SIK2: variants seen among roughly 807,000 people sequenced by gnomAD.
SIK2 encodes salt inducible kinase 2, also known as serine/threonine-protein kinase SIK2.
In SIK2, 29 loss-of-function variants were observed where a neutral mutation model predicts 103.2. The observed-to-expected ratio is 0.28, with a 90% CI of 0.21 to 0.38. The LOEUF (loss-of-function observed/expected upper bound fraction) is 0.38. Among genes scored for constraint, SIK2 ranks in the 10% least tolerant of loss-of-function variants. The pLI, the probability that SIK2 is intolerant of heterozygous loss-of-function variation, is 1.00. For synonymous variants in SIK2, 412 were observed against 446.1 expected (o/e 0.92, Z 0.96); for missense variants, 879 against 1,171.0 (o/e 0.75, Z 3.64).
chr11:111,633,788 T>G (rs1942069427), intron 3 of SIK2, among the ~76,000 whole-genome samples: 2 of 152,224 alleles, frequency 1.3e-5, no homozygotes, highest in South Asian at 4.1e-4. Context: ...TGGCATTTGG[T>G]GCTCATCTCT....
At chr11:111,678,897 T>C (rs1181042333) in intron 3 of SIK2, among the ~76,000 whole-genome samples, 1 of 152,162 alleles carries the variant, frequency 6.6e-6, no homozygotes, top group Non-Finnish European at 1.5e-5. Flanking sequence ...GGTATGACTC[T>C]CCCAGCAAAA....
Position 111,652,478 on chromosome 11 carries a change from T to C in SIK2, c.316+32076T>C, listed in dbSNP as rs138629059. 5.1e-4 allele frequency among the ~76,000 whole-genome samples: 78 copies of C among 152,296 alleles called. No homozygotes were observed. The East Asian group carries it at 0.015, about 29-fold the overall frequency. On this transcript the variant is annotated intron_variant, in intron 3 of 14. Transcript: ENST00000304987. ...TTCATCTTGGGGCTTCCTTTTGATA[T>C]ACCACTCCAATTTTGAGCAAGTTAT...
intron 3 of SIK2, among the ~76,000 whole-genome samples, chr11:111,664,313 G>A (rs150630017): frequency 2.0e-4 from 31 of 152,256 alleles, no homozygotes; most frequent in African/African-American, 6.5e-4. Flanking sequence ...TGGAGTGTGG[G>A]AGAGCATGAA....
chr11:111,719,742 G>A, intron 9 of SIK2, 33 bp from the exon 10 acceptor site: 1 of 1,593,124 alleles, frequency 6.3e-7, no homozygotes, highest in Non-Finnish European at 8.6e-7. Context: ...CAGCAGTGCA[G>A]AAACTGAGTT....
At chr11:111,653,089 C>T (rs766158979) in intron 3 of SIK2, among the ~76,000 whole-genome samples, 6 of 152,204 alleles carry the variant, frequency 3.9e-5, no homozygotes, top group East Asian at 1.9e-4. Flanking sequence ...TTCTTACGGA[C>T]GCTAAAGTGT....
intron 3 of SIK2, among the ~76,000 whole-genome samples, chr11:111,642,329 C>T (rs539411226): frequency 6.6e-6 from 1 of 152,188 alleles, no homozygotes; most frequent in South Asian, 2.1e-4. Context: ...CCACACCTTC[C>T]GTCCCACTTG....
chr11:111,701,407 T>G lies in SIK2; in HGVS notation c.604-45T>G. 5 of 1,595,302 alleles carry G rather than the reference T, an allele frequency of 3.1e-6. No homozygotes were observed. Among genetic ancestry groups the G allele is most frequent in the Non-Finnish European group, 4.3e-6 (5 of 1,167,122 alleles). Reference sequence around the variant, plus strand: ...GGATGTTCAGGAAAACAAAGAGTGTTTGACGTTCTTGGTAGAAAAGTCTCT... The same window carrying G: ...GGATGTTCAGGAAAACAAAGAGTGTGTGACGTTCTTGGTAGAAAAGTCTCT... On this transcript the variant is annotated intron_variant, in intron 5 of 14. Coordinates refer to ENST00000304987, the MANE Select transcript of SIK2 (RefSeq NM_015191.3). This position sits in a 1 kb window ranked among gnomAD's most constrained non-coding sequence, Gnocchi z 4.2.
Position 111,701,905 on chromosome 11 carries a change from G to T in SIK2, c.727+330G>T, listed in dbSNP as rs982916898. On this transcript the variant is annotated intron_variant, in intron 6 of 14. Transcript: ENST00000304987. This position sits in a 1 kb window ranked among gnomAD's most constrained non-coding sequence, Gnocchi z 4.2. ...CAACCATTTTACTCCAATATGAAAT[G>T]AACTTTATAAAATTAAAATTTTTTT... 6.6e-6 allele frequency among the ~76,000 whole-genome samples: 1 copy of T among 152,042 alleles called. No individual in the cohort carries two copies.
rs1391799531 is a variant in SIK2 at position 111,636,080 on chromosome 11, C to T, written c.316+15678C>T. On this transcript the variant is annotated intron_variant, in intron 3 of 14. Transcript: ENST00000304987. ...TAAATTAATTCAGAAAAAGCTAATT[C>T]TTTGTTTGTGAAAGGGGATAACCAG... 2.0e-5 allele frequency among the ~76,000 whole-genome samples: 3 copies of T among 152,246 alleles called. No individual in the cohort carries two copies. In the South Asian group the frequency reaches 6.2e-4, roughly 32 times the overall value.
At chr11:111,711,552 G>GT (rs1202876338) in intron 8 of SIK2, among the ~76,000 whole-genome samples, 1 of 152,160 alleles carries the variant, frequency 6.6e-6, no homozygotes, top group East Asian at 1.9e-4. Flanking sequence ...ATAGCTTGCA[G>GT]TAAGCGTAGC....
At chr11:111,692,758 G>A (rs1942978330) in intron 4 of SIK2, among the ~76,000 whole-genome samples, 1 of 151,768 alleles carries the variant, frequency 6.6e-6, no homozygotes, top group Non-Finnish European at 1.5e-5. Context: ...AGGGCTCTGT[G>A]GGAAGAAATT....
chr11:111,684,082 C>CA (rs1491541499), intron 3 of SIK2, among the ~76,000 whole-genome samples: 1 of 149,212 alleles, frequency 6.7e-6, no homozygotes, highest in Non-Finnish European at 1.5e-5. Flanking sequence ...CCATTTTTCT[C>CA]ACACTGTGTG....
At chr11:111,631,994 T>A (rs928877726) in intron 3 of SIK2, among the ~76,000 whole-genome samples, 1 of 152,162 alleles carries the variant, frequency 6.6e-6, no homozygotes, top group African/African-American at 2.4e-5. Flanking sequence ...GTTGAAGTAG[T>A]TTCAAAGGAG....
At chr11:111,664,234 G>C (rs1427377184) in intron 3 of SIK2, among the ~76,000 whole-genome samples, 1 of 152,166 alleles carries the variant, frequency 6.6e-6, no homozygotes, top group Non-Finnish European at 1.5e-5. Flanking sequence ...AGTTTTGGGG[G>C]GCAAATCGTG....
chr11:111,665,561 C>T (rs374550592), intron 3 of SIK2, among the ~76,000 whole-genome samples: 16 of 152,014 alleles, frequency 1.1e-4, no homozygotes, highest in African/African-American at 2.2e-4. Context: ...TGGTGGCTCA[C>T]GCCTGTAATC....
chr11:111,701,133 TG>T lies in SIK2; in HGVS notation c.603+125del. ...AGTATTTCATATTTTCCCCATCCAC[TG>T]GACTATAATTACTCAGAGCATCTTG... On this transcript the variant is annotated intron_variant, in intron 5 of 14. Transcript: ENST00000304987. This position sits in a 1 kb window ranked among gnomAD's most constrained non-coding sequence, Gnocchi z 4.2. The T allele has an allele frequency of 7.8e-7, 1 of 1,277,874 alleles. No homozygotes were observed. Among genetic ancestry groups the T allele is most frequent in the Non-Finnish European group, 1.1e-6 (1 of 946,800 alleles). 79.2% of individuals were successfully genotyped at this position (1,277,874 alleles called of 1,614,324 possible). A position where few individuals can be genotyped will look rare whatever the true frequency, so the allele number is the denominator to read the frequency against.
intron 3 of SIK2, among the ~76,000 whole-genome samples, chr11:111,678,522 A>C (rs1942735721): frequency 6.6e-6 from 1 of 152,230 alleles, no homozygotes; most frequent in East Asian, 1.9e-4. Context: ...GTTCTGTGCT[A>C]CTGTGCTCAT....
chr11:111,721,111 G>A (rs1257199100), intron 12 of SIK2, 49 bp downstream of exon 12: 9 of 1,559,834 alleles, frequency 5.8e-6, no homozygotes, highest in South Asian at 1.2e-5. Context: ...GATGAGGTGT[G>A]AGTTTGTCCT....
rs768874535 is a variant in SIK2, at chr11:111,727,240, C to T, written c.*3111C>T. On this transcript the variant is annotated 3_prime_UTR_variant, in exon 15 of 15. Coordinates refer to ENST00000304987, the MANE Select transcript of SIK2 (RefSeq NM_015191.3). Reference sequence around the variant, plus strand: ...CCTTGAGAATCCCTGCGTGGGAGAGCATCAGGGCCCACCAGGGGAGTGGGG... The same window carrying T: ...CCTTGAGAATCCCTGCGTGGGAGAGTATCAGGGCCCACCAGGGGAGTGGGG... 11 of 612,646 alleles carry T rather than the reference C, an allele frequency of 1.8e-5. No homozygotes were observed. Among genetic ancestry groups the T allele is most frequent in the Non-Finnish European group, 2.9e-5 (10 of 343,930 alleles). 38.0% of individuals were successfully genotyped at this position (612,646 alleles called of 1,614,324 possible). A position where few individuals can be genotyped will look rare whatever the true frequency, so the allele number is the denominator to read the frequency against.
Sources: allele counts gnomAD v4.1 joint callset (sites outside exome capture counted in the v4.1 genomes callset), GRCh38; gene constraint gnomAD v4.1.1; non-coding constraint Gnocchi (gnomAD v3.1); transcripts MANE v1.5; gene names NCBI Gene and HGNC (gene_info 2026-07-23, HGNC 2026-07-21).